Variants in ADK observed in about 807,000 individuals in gnomAD.
ADK encodes the protein adenosine kinase.
A neutral mutation model predicts 44.7 loss-of-function variants in ADK; 24 were observed. The ratio of observed to expected loss-of-function variants is 0.54; its 90% CI spans 0.39 to 0.76. ADK has a LOEUF of 0.76. Among genes scored for constraint, ADK ranks in the 30% least tolerant of loss-of-function variants. The pLI is 0.00. For synonymous variants in ADK, 128 were observed against 142.6 expected (o/e 0.90, Z 0.73); for missense variants, 321 against 425.1 (o/e 0.76, Z 2.15).
At chr10:74,515,000 G>T (rs570213321) in intron 6 of ADK, among the ~76,000 whole-genome samples, 1 of 151,752 alleles carries the variant, frequency 6.6e-6, no homozygotes. Flanking sequence ...AATTTTTGTG[G>T]TTTTTAGTAG....
chr10:74,272,813 T>C (rs1011757165), intron 3 of ADK, among the ~76,000 whole-genome samples: 1 of 152,148 alleles, frequency 6.6e-6, no homozygotes. Context: ...GAAAGTTCAG[T>C]CTGTAGGGCT....
intron 7 of ADK, among the ~76,000 whole-genome samples, chr10:74,538,255 C>CA (rs535509115): frequency 0.084 from 7,149 of 85,098 alleles, 460 homozygotes; most frequent in African/African-American, 0.23. Context: ...CTCCGTCTCA[C>CA]AAAAAAAAAA....
At chr10:74,230,175 AT>A (rs57469461) in intron 3 of ADK, among the ~76,000 whole-genome samples, 3 of 149,362 alleles carry the variant, frequency 2.0e-5, no homozygotes, top group African/African-American at 2.5e-5. Context: ...TTAAATGCTT[AT>A]TTTTTTTTAG....
intron 3 of ADK, 74 bp downstream of exon 3, chr10:74,224,665 C>A: frequency 8.2e-7 from 1 of 1,226,078 alleles, no homozygotes; most frequent in South Asian, 1.2e-5. Flanking sequence ...TGTAAATTAT[C>A]TGATTTTCAA....
chr10:74,511,849 T>G (rs1384575411), intron 6 of ADK, among the ~76,000 whole-genome samples: 1 of 151,976 alleles, frequency 6.6e-6, no homozygotes, highest in Non-Finnish European at 1.5e-5. Context: ...TGAATAAGAG[T>G]GGTGAGAGAG....
intron 4 of ADK, among the ~76,000 whole-genome samples, chr10:74,328,279 G>T (rs555319833): frequency 6.6e-6 from 1 of 152,114 alleles, no homozygotes; most frequent in Admixed American, 6.6e-5. Context: ...AATTGTTGTA[G>T]TTATAATTAT....
chr10:74,513,531 TACCTCG>T, intron 6 of ADK, among the ~76,000 whole-genome samples: 1 of 152,308 alleles, frequency 6.6e-6, no homozygotes, highest in Middle Eastern at 3.4e-3. Context: ...AAGAGTGTTT[TACCTCG>T]TATAATTATA....
intron 4 of ADK, among the ~76,000 whole-genome samples, chr10:74,385,591 G>C (rs1425948766): frequency 2.0e-5 from 3 of 152,024 alleles, no homozygotes; most frequent in African/African-American, 7.2e-5. Flanking sequence ...AACAAATATT[G>C]GTGGAATGAA....
intron 3 of ADK, among the ~76,000 whole-genome samples, chr10:74,300,052 CTT>C (rs772490556): frequency 1.4e-4 from 19 of 140,194 alleles, no homozygotes; most frequent in Non-Finnish European, 2.3e-4. Flanking sequence ...TCTTCGTCTT[CTT>C]TTTTTTTTTT....
intron 6 of ADK, among the ~76,000 whole-genome samples, chr10:74,472,005 CCTTT>C (rs757850298): frequency 2.6e-5 from 4 of 151,970 alleles, no homozygotes; most frequent in Admixed American, 6.6e-5. Context: ...TTTCCTCTTT[CCTTT>C]CTTTCTTTCT....
At chr10:74,157,717 A>T (rs1423989502) in intron 1 of ADK, among the ~76,000 whole-genome samples, 2 of 13,920 alleles carry the variant, frequency 1.4e-4, no homozygotes, top group East Asian at 1.1e-3. Context: ...CATCTTTACT[A>T]AAAAAAAAAA....
At chr10:74,678,605 T>C in intron 10 of ADK, among the ~76,000 whole-genome samples, 1 of 152,246 alleles carries the variant, frequency 6.6e-6, no homozygotes, top group East Asian at 1.9e-4. Context: ...CTGAACCATG[T>C]AGGCTATCAG....
At chr10:74,302,132 T>G (rs1273338456) in intron 3 of ADK, among the ~76,000 whole-genome samples, 5 of 111,876 alleles carry the variant, frequency 4.5e-5, no homozygotes, top group African/African-American at 1.4e-4. Flanking sequence ...TTTTTTTTTT[T>G]TTTTTTTTTT....
chr10:74,585,050 C>A (rs2133906665), intron 7 of ADK, among the ~76,000 whole-genome samples: 1 of 152,306 alleles, frequency 6.6e-6, no homozygotes, highest in South Asian at 2.1e-4. Flanking sequence ...TCTTTCCTTT[C>A]CTGCATAATC....
chr10:74,682,644 G>A (rs1401917612), intron 10 of ADK, among the ~76,000 whole-genome samples: 1 of 149,194 alleles, frequency 6.7e-6, no homozygotes, highest in Non-Finnish European at 1.5e-5. Context: ...TGTGATCTCA[G>A]CTCACTGCAA....
chr10:74,183,418 C>T (rs114257246), intron 1 of ADK, among the ~76,000 whole-genome samples: 1,948 of 152,206 alleles, frequency 0.013, 49 homozygotes, highest in African/African-American at 0.044. Flanking sequence ...ACAAAAAATA[C>T]GAAAATTTGC....
At chr10:74,501,141 C>T (rs921847618) in intron 6 of ADK, among the ~76,000 whole-genome samples, 1 of 152,146 alleles carries the variant, frequency 6.6e-6, no homozygotes, top group Non-Finnish European at 1.5e-5. Flanking sequence ...AGAAAAAAAT[C>T]ATTGCATTTT....
intron 7 of ADK, among the ~76,000 whole-genome samples, chr10:74,584,609 T>C (rs12241919): frequency 0.018 from 2,777 of 151,982 alleles, 84 homozygotes; most frequent in African/African-American, 0.064. Flanking sequence ...GACACCCCCC[T>C]GTCTTAATCT....
chr10:74,495,442 G>A (rs952903962), intron 6 of ADK, among the ~76,000 whole-genome samples: 14 of 152,090 alleles, frequency 9.2e-5, no homozygotes, highest in African/African-American at 2.9e-4. Flanking sequence ...GGGTATTTGA[G>A]TAAAAGACAG....
Sources: gnomAD v4.1 joint callset for allele counts (sites outside exome capture counted in the v4.1 genomes callset) on GRCh38, gnomAD v4.1.1 for gene constraint, MANE v1.5 for transcripts, NCBI Gene and HGNC (gene_info 2026-07-23, HGNC 2026-07-21) for gene names.